TMCC1: variants seen among roughly 807,000 people sequenced by gnomAD.
The protein encoded by TMCC1 is transmembrane and coiled-coil domain family 1, also known as transmembrane and coiled-coil domains protein 1.
A neutral mutation model predicts 52.4 loss-of-function variants in TMCC1; 15 were observed. The ratio of observed to expected loss-of-function variants is 0.29; its 90% confidence interval spans 0.19 to 0.44. TMCC1 has a LOEUF of 0.44. Ranked by LOEUF, TMCC1 falls within the 20% of genes least tolerant of loss-of-function variation. The pLI is 1.00. For synonymous variants in TMCC1, 279 were observed against 301.9 expected (o/e 0.92, Z 0.79); for missense variants, 503 against 806.0 (o/e 0.62, Z 4.55).
At chr3:129,742,353 T>TA (rs1249240552) in intron 4 of TMCC1, among the ~76,000 whole-genome samples, 3 of 151,970 alleles carry the variant, frequency 2.0e-5, no homozygotes, top group Admixed American at 6.6e-5. Context: ...ACAGAATATA[T>TA]AAAAAATTAT....
chr3:129,763,739 T>C (rs969955014), intron 4 of TMCC1, among the ~76,000 whole-genome samples: 1 of 151,290 alleles, frequency 6.6e-6, no homozygotes, highest in Non-Finnish European at 1.5e-5. Context: ...GTAAGGAGAA[T>C]CGCTTGAACC....
At chr3:129,705,605 CTTT>C (rs1277305226) in intron 4 of TMCC1, among the ~76,000 whole-genome samples, 4 of 138,830 alleles carry the variant, frequency 2.9e-5, no homozygotes, top group African/African-American at 5.3e-5. Flanking sequence ...ATTTGAAACA[CTTT>C]TTTTTTTTTT....
intron 5 of TMCC1, 47 bp from the exon 6 acceptor site, chr3:129,655,150 C>T (rs1357336080): frequency 6.3e-6 from 10 of 1,595,168 alleles, no homozygotes; most frequent in Non-Finnish European, 6.0e-6. Flanking sequence ...CTGTGAATAT[C>T]TTTCCTGGCA....
chr3:129,767,996 G>A (rs953582495), intron 4 of TMCC1, among the ~76,000 whole-genome samples: 2 of 152,152 alleles, frequency 1.3e-5, no homozygotes, highest in Non-Finnish European at 2.9e-5. Flanking sequence ...TTTGAGACCA[G>A]CCTGGTCAAC....
intron 4 of TMCC1, among the ~76,000 whole-genome samples, chr3:129,737,511 C>T (rs1333299557): frequency 6.6e-6 from 1 of 151,848 alleles, no homozygotes; most frequent in African/African-American, 2.4e-5. Context: ...TGACGGAATT[C>T]TCTTGCCCCT....
At chr3:129,863,510 A>G (rs932570222) in intron 2 of TMCC1, among the ~76,000 whole-genome samples, 7 of 152,120 alleles carry the variant, frequency 4.6e-5, no homozygotes, top group Non-Finnish European at 2.9e-5. Context: ...GAAAAAGGGG[A>G]AAAGGGCAGA....
chr3:129,804,120 C>T (rs1168137600), intron 4 of TMCC1, among the ~76,000 whole-genome samples: 1 of 151,980 alleles, frequency 6.6e-6, no homozygotes, highest in Non-Finnish European at 1.5e-5. Flanking sequence ...AATAAAAGCC[C>T]CAAAGACCAC....
chr3:129,740,194 T>C (rs2051339495), intron 4 of TMCC1, among the ~76,000 whole-genome samples: 1 of 152,232 alleles, frequency 6.6e-6, no homozygotes, highest in African/African-American at 2.4e-5. Context: ...TTACCTTTCC[T>C]GTTCCATACT....
At chr3:129,827,444 A>C (rs902087503) in intron 4 of TMCC1, among the ~76,000 whole-genome samples, 3 of 152,254 alleles carry the variant, frequency 2.0e-5, no homozygotes, top group African/African-American at 7.2e-5. Flanking sequence ...TACATTCATT[A>C]ATGTAAGAAA....
intron 4 of TMCC1, among the ~76,000 whole-genome samples, chr3:129,703,752 T>C (rs1451572377): frequency 2.0e-5 from 3 of 152,196 alleles, no homozygotes; most frequent in Non-Finnish European, 4.4e-5. Flanking sequence ...AATGAGTGAA[T>C]GAATAAATGA....
At chr3:129,829,550 A>G (rs2058813818) in intron 3 of TMCC1, among the ~76,000 whole-genome samples, 1 of 151,982 alleles carries the variant, frequency 6.6e-6, no homozygotes, top group South Asian at 2.1e-4. Flanking sequence ...GTGCAAATAT[A>G]TAAGACAAAA....
chr3:129,651,538 C>G lies in TMCC1; in HGVS notation c.1905G>C (p.Trp635Cys). ...AGCTGAAGAGGGCGTCCCAGTGCTT[C>G]CAGAGAAAGGCAATAAAAACCACAA... ...LFLVVFIAFLWKHWDALFSYV... is the reference protein window; with the variant it reads ...LFLVVFIAFLCKHWDALFSYV... The change falls in exon 7 of 7, where the codon TGG becomes TGC. Residue 635 changes from tryptophan to cysteine, a missense_variant. Physicochemically the swap from Trp to Cys is radical, Grantham distance 215. Around this residue, in one of 7 missense-constraint regions of TMCC1, gnomAD observed 50 missense variants for 62.6 expected, o/e 0.80. Transcript: ENST00000393238. The surrounding 1 kb of genome is among the most constrained non-coding windows in gnomAD (Gnocchi z 5.1). 3 of 1,614,124 alleles carry G rather than the reference C, an allele frequency of 1.9e-6. No individual in the cohort carries two copies. Among genetic ancestry groups the G allele is most frequent in the Non-Finnish European group, 2.5e-6 (3 of 1,180,028 alleles).
At chr3:129,830,031 C>T (rs1442197289) in intron 3 of TMCC1, among the ~76,000 whole-genome samples, 4 of 152,164 alleles carry the variant, frequency 2.6e-5, no homozygotes, top group Non-Finnish European at 5.9e-5. Context: ...TAGTACCTTC[C>T]TACTTTCTAA....
chr3:129,768,488 TG>T (rs1487467772), intron 4 of TMCC1, among the ~76,000 whole-genome samples: 1 of 152,186 alleles, frequency 6.6e-6, no homozygotes, highest in Middle Eastern at 3.2e-3. Flanking sequence ...TTTCATTTAT[TG>T]TAAGTCCCAC....
intron 2 of TMCC1, among the ~76,000 whole-genome samples, chr3:129,872,916 ATTTT>A (rs1359318304): frequency 1.4e-5 from 2 of 143,740 alleles, no homozygotes; most frequent in Admixed American, 7.0e-5. Flanking sequence ...TACGCATGGA[ATTTT>A]TTTTTTTTTT....
At chr3:129,716,045 T>G (rs1243983581) in intron 4 of TMCC1, among the ~76,000 whole-genome samples, 1 of 152,064 alleles carries the variant, frequency 6.6e-6, no homozygotes, top group African/African-American at 2.4e-5. Flanking sequence ...AGCTCCAGAG[T>G]GGAACTCTCC....
intron 4 of TMCC1, among the ~76,000 whole-genome samples, chr3:129,717,917 A>G (rs551834644): frequency 4.6e-5 from 7 of 152,294 alleles, no homozygotes; most frequent in African/African-American, 1.4e-4. Flanking sequence ...AAATTCTTCA[A>G]TGAATTCCTG....
rs975231996 is a variant in TMCC1, at chr3:129,818,268, G to A, written c.576+9535C>T. 4.6e-5 allele frequency among the ~76,000 whole-genome samples: 7 copies of A among 151,828 alleles called. No individual in the cohort carries two copies. In the East Asian group the frequency reaches 1.4e-3, roughly 29 times the overall value. On this transcript the variant is annotated intron_variant, in intron 4 of 6. Coordinates refer to ENST00000393238, the MANE Select transcript of TMCC1 (RefSeq NM_001017395.5). ...GGGAATTATTTTTTAAGAAAAAAAA[G>A]AAAAATACAAAACTTCTTTAAATTT...
At chr3:129,752,443 T>A (rs1348535187) in intron 4 of TMCC1, among the ~76,000 whole-genome samples, 1 of 152,210 alleles carries the variant, frequency 6.6e-6, no homozygotes, top group Admixed American at 6.5e-5. Flanking sequence ...CTATTCTGGA[T>A]TAAATATATC....
Sources: allele counts gnomAD v4.1 joint callset (sites outside exome capture counted in the v4.1 genomes callset), GRCh38; gene constraint gnomAD v4.1.1; regional missense constraint gnomAD v4.1.1; non-coding constraint Gnocchi (gnomAD v3.1); transcripts MANE v1.5; gene names NCBI Gene and HGNC (gene_info 2026-07-23, HGNC 2026-07-21).